The following ALDH1A2 variants were observed in gnomAD, a reference collection of about 807,000 sequenced individuals.
ALDH1A2 encodes the protein retinal dehydrogenase 2.
A neutral mutation model predicts 60.3 loss-of-function variants in ALDH1A2; 27 were observed. The observed-to-expected ratio is 0.45, with a 90% CI of 0.33 to 0.62. The LOEUF (loss-of-function observed/expected upper bound fraction) is 0.62, where lower values mean the gene tolerates loss of function less well. Ranked by LOEUF, ALDH1A2 falls within the 20% of genes least tolerant of loss-of-function variation. The pLI is 0.02. For missense variants in ALDH1A2, 581 were observed against 643.8 expected (o/e 0.90, Z 1.06); for synonymous variants, 289 against 232.4 (o/e 1.24, Z -2.21).
intron 1 of ALDH1A2, among the ~76,000 whole-genome samples, chr15:58,043,645 C>A (rs1595686351): frequency 6.6e-6 from 1 of 152,024 alleles, no homozygotes; most frequent in African/African-American, 2.4e-5. Flanking sequence ...CGGTGAGATT[C>A]AGGTGGAAAA....
At chr15:57,955,315 G>A (rs779172583) in intron 12 of ALDH1A2, 46 bp from the exon 13 acceptor site, 6 of 1,602,456 alleles carry the variant, frequency 3.7e-6, no homozygotes, top group African/African-American at 1.3e-5. Flanking sequence ...AGTCCAGGGA[G>A]CTGCATGTGA....
intron 7 of ALDH1A2, among the ~76,000 whole-genome samples, chr15:57,987,826 A>G (rs1325035372): frequency 6.7e-6 from 1 of 149,898 alleles, no homozygotes; most frequent in Non-Finnish European, 1.5e-5. Flanking sequence ...CAGAGCTTGC[A>G]GTGAGCCTGA....
At chr15:58,004,520 C>T (rs964948929) in intron 4 of ALDH1A2, among the ~76,000 whole-genome samples, 35 of 151,666 alleles carry the variant, frequency 2.3e-4, no homozygotes, top group African/African-American at 6.8e-4. Flanking sequence ...TAGGTCTCTC[C>T]GTATGTCCAT....
intron 1 of ALDH1A2, among the ~76,000 whole-genome samples, chr15:58,025,527 C>T (rs529799740): frequency 6.6e-6 from 1 of 152,216 alleles, no homozygotes; most frequent in South Asian, 2.1e-4. Flanking sequence ...TAACAAGGTT[C>T]TCAATAAAGA....
intron 1 of ALDH1A2, among the ~76,000 whole-genome samples, chr15:58,064,518 T>A (rs1897122113): frequency 6.6e-6 from 1 of 152,220 alleles, no homozygotes; most frequent in Non-Finnish European, 1.5e-5. Flanking sequence ...ATGGAATACA[T>A]CTTTAATCAA....
chr15:58,063,219 GT>G lies in ALDH1A2; in HGVS notation c.117+2314del, dbSNP rs1897087457. On this transcript the variant is annotated intron_variant, in intron 1 of 12. Transcript: ENST00000249750. ...GTCATATCCTTCACTAAAGATGTATGTTTAGCAAGACAAAAAACAATAACAT... is the reference window on the plus strand; with the variant it reads ...GTCATATCCTTCACTAAAGATGTATGTTAGCAAGACAAAAAACAATAACAT... 2.0e-5 allele frequency among the ~76,000 whole-genome samples: 3 copies of G among 152,272 alleles called. No individual in the cohort carries two copies. In the South Asian group the frequency reaches 6.2e-4, roughly 32 times the overall value.
intron 1 of ALDH1A2, among the ~76,000 whole-genome samples, chr15:58,020,961 T>C (rs1895911071): frequency 6.6e-6 from 1 of 152,208 alleles, no homozygotes; most frequent in South Asian, 2.1e-4. Context: ...TAGATCTCTC[T>C]GGTAAACCAT....
intron 11 of ALDH1A2, 31 bp from the exon 12 acceptor site, chr15:57,960,875 C>T (rs369082445): frequency 5.6e-5 from 89 of 1,590,866 alleles, no homozygotes; most frequent in Middle Eastern, 5.0e-4. Flanking sequence ...ACTGTGAGTT[C>T]GTGTGAAGTC....
At chr15:57,990,594 G>A (rs1386645942) in intron 7 of ALDH1A2, 1 of 152,112 alleles carries the variant, frequency 6.6e-6, no homozygotes, top group Non-Finnish European at 1.5e-5. Context: ...TACACAATAG[G>A]CCGGACACCG....
intron 1 of ALDH1A2, among the ~76,000 whole-genome samples, chr15:58,016,853 A>G (rs1566950053): frequency 6.6e-6 from 1 of 152,150 alleles, no homozygotes; most frequent in Non-Finnish European, 1.5e-5. Flanking sequence ...CATCTTTCAA[A>G]AAGTTATAAA....
chr15:58,023,496 T>C (rs1374120049), intron 1 of ALDH1A2, among the ~76,000 whole-genome samples: 1 of 152,138 alleles, frequency 6.6e-6, no homozygotes, highest in South Asian at 2.1e-4. Context: ...TAGCATATTG[T>C]TATCAGACTG....
intron 1 of ALDH1A2, among the ~76,000 whole-genome samples, chr15:58,025,340 A>G (rs931942258): frequency 3.3e-5 from 5 of 152,200 alleles, no homozygotes; most frequent in Non-Finnish European, 7.3e-5. Flanking sequence ...TTGAAAATTG[A>G]AAACAGAGAC....
intron 1 of ALDH1A2, among the ~76,000 whole-genome samples, chr15:58,024,148 TAA>T (rs1413629858): frequency 9.8e-5 from 14 of 142,958 alleles, no homozygotes; most frequent in Middle Eastern, 3.5e-3. Context: ...AACTCATTTG[TAA>T]AGTAATCACA....
intron 9 of ALDH1A2, among the ~76,000 whole-genome samples, 169 bp downstream of exon 9, chr15:57,963,716 G>C (rs577393773): frequency 6.6e-6 from 1 of 152,290 alleles, no homozygotes; most frequent in East Asian, 1.9e-4. Context: ...AGAAGCATAA[G>C]AAATAAGCAA....
At chr15:58,061,621 A>C (rs1317458169) in intron 1 of ALDH1A2, among the ~76,000 whole-genome samples, 1 of 150,266 alleles carries the variant, frequency 6.7e-6, no homozygotes, top group African/African-American at 2.4e-5. Flanking sequence ...AAAAAAAAAA[A>C]AAAAACGGAA....
intron 1 of ALDH1A2, among the ~76,000 whole-genome samples, chr15:58,027,617 G>A (rs1896115266): frequency 6.6e-6 from 1 of 152,112 alleles, no homozygotes; most frequent in South Asian, 2.1e-4. Context: ...AAAGGAGCAT[G>A]TTCTAACCCA....
chr15:58,032,621 A>T (rs1896270079), intron 1 of ALDH1A2, among the ~76,000 whole-genome samples: 1 of 152,070 alleles, frequency 6.6e-6, no homozygotes, highest in South Asian at 2.1e-4. Flanking sequence ...GTGTATGTGG[A>T]TTTCTCAAAA....
chr15:58,030,414 C>G (rs1262554744), intron 1 of ALDH1A2, among the ~76,000 whole-genome samples: 1 of 152,116 alleles, frequency 6.6e-6, no homozygotes, highest in Non-Finnish European at 1.5e-5. Flanking sequence ...CTATTTATGA[C>G]AAACTCACAG....
intron 12 of ALDH1A2, 106 bp downstream of exon 12, chr15:57,960,664 T>C: frequency 1.1e-6 from 1 of 949,208 alleles, no homozygotes; most frequent in Non-Finnish European, 1.7e-6. Context: ...AAATGTTTGT[T>C]GAATGTATGG....
Sources: allele counts gnomAD v4.1 joint callset (sites outside exome capture counted in the v4.1 genomes callset), GRCh38; gene constraint gnomAD v4.1.1; transcripts MANE v1.5; gene names NCBI Gene and HGNC (gene_info 2026-07-23, HGNC 2026-07-21).